HDAC4: variants seen among roughly 807,000 people sequenced by gnomAD.
HDAC4 encodes the protein histone deacetylase A.
Under a neutral mutation model 135.1 loss-of-function variants are expected in HDAC4, and 16 were observed. That is an observed-to-expected ratio of 0.12 (90% CI 0.08 to 0.18). HDAC4 has a LOEUF of 0.18. Among genes scored for constraint, HDAC4 ranks in the 10% least tolerant of loss-of-function variants. The pLI, the probability that HDAC4 is intolerant of heterozygous loss-of-function variation, is 1.00. For synonymous variants in HDAC4, 685 were observed against 653.4 expected (o/e 1.05, Z -0.74); for missense variants, 1,143 against 1,511.8 (o/e 0.76, Z 4.05).
chr2:239,257,051 C>T (rs551399809), intron 2 of HDAC4, among the ~76,000 whole-genome samples: 19 of 152,282 alleles, frequency 1.2e-4, no homozygotes, highest in African/African-American at 4.6e-4. Context: ...AGACAAATAA[C>T]TCTGGGTAAA....
At chr2:239,179,130 T>C (rs1448237975) in intron 4 of HDAC4, among the ~76,000 whole-genome samples, 4 of 143,396 alleles carry the variant, frequency 2.8e-5, no homozygotes, top group Non-Finnish European at 4.6e-5. Context: ...ACCGGACGCC[T>C]GAGGCATAGA....
intron 3 of HDAC4, among the ~76,000 whole-genome samples, chr2:239,203,340 T>C (rs2045870253): frequency 6.6e-6 from 1 of 152,224 alleles, no homozygotes; most frequent in South Asian, 2.1e-4. Context: ...CAGTGTCAGC[T>C]TCACACACGA....
At chr2:239,182,376 A>T (rs1387427373) in intron 4 of HDAC4, among the ~76,000 whole-genome samples, 1 of 152,228 alleles carries the variant, frequency 6.6e-6, no homozygotes, top group Non-Finnish European at 1.5e-5. Context: ...AGCCTAATGC[A>T]GTCTCACAGT....
chr2:239,115,391 C>T lies in HDAC4; in HGVS notation c.1534-81G>A, dbSNP rs1287222758. 1.3e-5 allele frequency: 20 copies of T among 1,566,774 alleles called. No individual in the cohort carries two copies. In the South Asian group the frequency reaches 1.3e-4, roughly 11 times the overall value. On this transcript the variant is annotated intron_variant, in intron 12 of 26. Coordinates refer to ENST00000543185, the MANE Select transcript of HDAC4 (RefSeq NM_001378414.1). This position sits in a 1 kb window ranked among gnomAD's most constrained non-coding sequence, Gnocchi z 6.3. ...TGACAGGAGAAGGGATGCTGCAAACCCCACCCTCTGGGGCAGACAATCAGG... is the reference window on the plus strand; with the variant it reads ...TGACAGGAGAAGGGATGCTGCAAACTCCACCCTCTGGGGCAGACAATCAGG...
chr2:239,337,021 C>T (rs1156514205), intron 2 of HDAC4, among the ~76,000 whole-genome samples: 1 of 152,148 alleles, frequency 6.6e-6, no homozygotes, highest in Non-Finnish European at 1.5e-5. Context: ...GGAAGGGTGT[C>T]TACTGGAATT....
intron 5 of HDAC4, among the ~76,000 whole-genome samples, chr2:239,165,256 C>T (rs964472513): frequency 6.6e-6 from 1 of 152,150 alleles, no homozygotes; most frequent in African/African-American, 2.4e-5. Context: ...AACTTCTCTA[C>T]ACGCTGACCC....
chr2:239,152,570 G>A (rs958835617), intron 7 of HDAC4, among the ~76,000 whole-genome samples: 2 of 152,242 alleles, frequency 1.3e-5, no homozygotes, highest in Non-Finnish European at 2.9e-5. Flanking sequence ...CAAGCCCAGC[G>A]GTGGAGGCTC....
At chr2:239,278,721 C>T (rs769363407) in intron 2 of HDAC4, among the ~76,000 whole-genome samples, 4 of 152,174 alleles carry the variant, frequency 2.6e-5, no homozygotes, top group South Asian at 4.1e-4. Flanking sequence ...AATAAGTGGC[C>T]GAAGGCTGTG....
intron 12 of HDAC4, among the ~76,000 whole-genome samples, chr2:239,116,462 A>G (rs144409335): frequency 1.3e-5 from 2 of 152,306 alleles, no homozygotes; most frequent in East Asian, 1.9e-4. Context: ...TGCTCACGAG[A>G]AACGCCTCTG....
chr2:239,226,991 C>G (rs2047280480), intron 3 of HDAC4, among the ~76,000 whole-genome samples: 1 of 152,194 alleles, frequency 6.6e-6, no homozygotes, highest in Admixed American at 6.5e-5. Flanking sequence ...CACACCAACA[C>G]AACACACACA....
At chr2:239,273,246 G>A (rs1214762089) in intron 2 of HDAC4, among the ~76,000 whole-genome samples, 1 of 152,118 alleles carries the variant, frequency 6.6e-6, no homozygotes, top group Admixed American at 6.5e-5. Flanking sequence ...ACAGGGCCTC[G>A]TGGATCAAGG....
intron 2 of HDAC4, among the ~76,000 whole-genome samples, chr2:239,254,491 G>T (rs1225786947): frequency 6.6e-6 from 1 of 151,424 alleles, no homozygotes; most frequent in East Asian, 1.9e-4. Context: ...GAGATGAGAA[G>T]TTTTTAAAAA....
intron 21 of HDAC4, among the ~76,000 whole-genome samples, chr2:239,081,477 C>T (rs1355736790): frequency 1.3e-5 from 2 of 152,252 alleles, no homozygotes; most frequent in Non-Finnish European, 2.9e-5. Flanking sequence ...TTCTGCGGAC[C>T]CGCCGCCCTG....
chr2:239,122,085 A>T (rs1165380742), intron 12 of HDAC4, among the ~76,000 whole-genome samples: 1 of 152,254 alleles, frequency 6.6e-6, no homozygotes, highest in Non-Finnish European at 1.5e-5. Flanking sequence ...TCACGGCCAA[A>T]ACCGAACTGG....
chr2:239,395,126 A>C (rs1008964822), intron 1 of HDAC4, among the ~76,000 whole-genome samples: 2 of 152,254 alleles, frequency 1.3e-5, no homozygotes, highest in African/African-American at 2.4e-5. Context: ...AAAGGCCCCG[A>C]GGTCAAAGGG....
At chr2:239,305,697 G>A (rs966629582) in intron 2 of HDAC4, among the ~76,000 whole-genome samples, 5 of 152,232 alleles carry the variant, frequency 3.3e-5, no homozygotes, top group African/African-American at 1.2e-4. Flanking sequence ...TGGTGACGGT[G>A]CGGCTTAGTT....
At chr2:239,188,894 G>A (rs565560756) in intron 4 of HDAC4, among the ~76,000 whole-genome samples, 7 of 152,310 alleles carry the variant, frequency 4.6e-5, no homozygotes, top group South Asian at 2.1e-4. Flanking sequence ...AGCTCCTCCC[G>A]CCTCAGTCCA....
chr2:239,190,184 G>C (rs955333520), intron 3 of HDAC4, 107 bp from the exon 4 acceptor site: 109 of 1,244,694 alleles, frequency 8.8e-5, no homozygotes, highest in East Asian at 3.8e-4. Flanking sequence ...CGGGGGGGGG[G>C]TTGTGACCAT....
chr2:239,097,082 G>A (rs1013309932), intron 16 of HDAC4, among the ~76,000 whole-genome samples: 4 of 152,218 alleles, frequency 2.6e-5, no homozygotes, highest in African/African-American at 4.8e-5. Context: ...GGGCGCAGGC[G>A]CCATGCAGAT....
Sources: gnomAD v4.1 joint callset for allele counts (sites outside exome capture counted in the v4.1 genomes callset) on GRCh38, gnomAD v4.1.1 for gene constraint, Gnocchi (gnomAD v3.1) non-coding constraint, MANE v1.5 for transcripts, NCBI Gene and HGNC (gene_info 2026-07-23, HGNC 2026-07-21) for gene names.